Variants in KDM4C observed in about 807,000 individuals in gnomAD.
The protein encoded by KDM4C is lysine demethylase 4C, also known as lysine-specific demethylase 4C.
A neutral mutation model predicts 129.3 loss-of-function variants in KDM4C; 81 were observed. The ratio of observed to expected loss-of-function variants is 0.63; its 90% CI spans 0.52 to 0.75. The LOEUF (loss-of-function observed/expected upper bound fraction) is 0.75. Among genes scored for constraint, KDM4C ranks in the 30% least tolerant of loss-of-function variants. KDM4C has a pLI of 0.00. For missense variants in KDM4C, 1,457 were observed against 1,304.0 expected (o/e 1.12, Z -1.81); for synonymous variants, 573 against 456.1 (o/e 1.26, Z -3.26).
intron 17 of KDM4C, among the ~76,000 whole-genome samples, chr9:7,060,028 G>T (rs533489458): frequency 7.0e-4 from 107 of 152,002 alleles, no homozygotes; most frequent in Non-Finnish European, 8.8e-4. Context: ...ATAGAGAGAG[G>T]ATCCCCTCAT....
intron 18 of KDM4C, among the ~76,000 whole-genome samples, chr9:7,120,430 G>C (rs544753355): frequency 3.9e-5 from 6 of 152,262 alleles, no homozygotes; most frequent in African/African-American, 1.4e-4. Context: ...CATGGTATCA[G>C]TGGAGAGAAA....
chr9:6,841,510 T>C (rs1392191331), intron 4 of KDM4C, among the ~76,000 whole-genome samples: 1 of 152,204 alleles, frequency 6.6e-6, no homozygotes, highest in Non-Finnish European at 1.5e-5. Flanking sequence ...AAAATATGAT[T>C]AGTAATAATC....
chr9:6,795,679 T>C (rs1187222406), intron 2 of KDM4C, among the ~76,000 whole-genome samples: 1 of 151,764 alleles, frequency 6.6e-6, no homozygotes, highest in Non-Finnish European at 1.5e-5. Context: ...TTTTTTTTTT[T>C]CTTTTTTTTT....
At chr9:6,882,772 TTGTGTGTGTGTG>T (rs3072026) in intron 6 of KDM4C, among the ~76,000 whole-genome samples, 70 of 149,752 alleles carry the variant, frequency 4.7e-4, no homozygotes, top group Non-Finnish European at 8.2e-4. Context: ...TTTTAAGCAT[TTGTGTGTGTGTG>T]TGTGTGTGTG....
chr9:6,990,072 C>T (rs563754049), intron 11 of KDM4C, among the ~76,000 whole-genome samples: 1 of 152,134 alleles, frequency 6.6e-6, no homozygotes, highest in African/African-American at 2.4e-5. Context: ...GCCACTGTGC[C>T]TGGCCTATAA....
intron 4 of KDM4C, among the ~76,000 whole-genome samples, chr9:6,821,297 C>T (rs975595312): frequency 2.0e-5 from 3 of 152,228 alleles, no homozygotes; most frequent in Non-Finnish European, 4.4e-5. Flanking sequence ...AATCACCACA[C>T]TGTCTTCCAC....
At chr9:6,835,967 T>A (rs1835800549) in intron 4 of KDM4C, among the ~76,000 whole-genome samples, 1 of 152,186 alleles carries the variant, frequency 6.6e-6, no homozygotes, top group Non-Finnish European at 1.5e-5. Flanking sequence ...AATTAGGTAA[T>A]GCAAATTTTT....
chr9:7,130,327 TACAC>T (rs1840481234), intron 19 of KDM4C, among the ~76,000 whole-genome samples: 1 of 152,212 alleles, frequency 6.6e-6, no homozygotes, highest in Admixed American at 6.5e-5. Context: ...CATAAGCCTA[TACAC>T]ACCATGCCAG....
chr9:6,747,713 A>G (rs1817929432), intron 1 of KDM4C, among the ~76,000 whole-genome samples: 1 of 152,186 alleles, frequency 6.6e-6, no homozygotes, highest in Non-Finnish European at 1.5e-5. Context: ...TTCTGGAACA[A>G]ATTTTGAGAA....
chr9:6,732,208 T>C (rs1321932481), intron 1 of KDM4C, among the ~76,000 whole-genome samples: 5 of 149,806 alleles, frequency 3.3e-5, no homozygotes, highest in African/African-American at 1.2e-4. Flanking sequence ...TTACTAAAAA[T>C]ACAAAAATTA....
chr9:7,079,697 G>A (rs947684698), intron 17 of KDM4C, among the ~76,000 whole-genome samples: 1 of 152,114 alleles, frequency 6.6e-6, no homozygotes, highest in Non-Finnish European at 1.5e-5. Context: ...CTGCATAGTC[G>A]AATTCTGTGA....
chr9:6,784,978 T>G (rs1825161954), intron 1 of KDM4C, among the ~76,000 whole-genome samples: 1 of 152,208 alleles, frequency 6.6e-6, no homozygotes, highest in Non-Finnish European at 1.5e-5. Flanking sequence ...TATTAGGAGC[T>G]TTGCTGTTGA....
chr9:6,889,799 A>G (rs7043479), intron 7 of KDM4C, among the ~76,000 whole-genome samples: 3,378 of 152,244 alleles, frequency 0.022, 52 homozygotes, highest in Middle Eastern at 0.044. Context: ...ATACGTGAAG[A>G]GAAGTTATGT....
chr9:7,122,204 G>A (rs1839554846), intron 18 of KDM4C, among the ~76,000 whole-genome samples: 1 of 151,368 alleles, frequency 6.6e-6, no homozygotes, highest in African/African-American at 2.4e-5. Context: ...ATCTTATATG[G>A]TCTGAGCAGG....
rs1404508796 is a variant in KDM4C at position 6,805,726 on chromosome 9, A to C, written c.272A>C (p.Lys91Thr). Reference protein sequence around the residue: ...SGLFTQYNIQKKAMTVKEFRQ... With the variant: ...SGLFTQYNIQTKAMTVKEFRQ... Reference sequence around the variant, plus strand: ...CTGTTCACTCAGTACAACATCCAGAAAAAAGCGATGACTGTGAAGGAGTTC... The same window carrying C: ...CTGTTCACTCAGTACAACATCCAGACAAAAGCGATGACTGTGAAGGAGTTC... Residue 91 changes from lysine to threonine, a missense_variant, in exon 3 of 22, where the codon AAA becomes ACA. By Grantham distance (78) the Lys-to-Thr change is moderately conservative. Transcript: ENST00000381309. 1 of 1,614,144 alleles carries C rather than the reference A, an allele frequency of 6.2e-7. No homozygotes were observed. Among genetic ancestry groups the C allele is most frequent in the Non-Finnish European group, 8.5e-7 (1 of 1,180,002 alleles).
upstream of KDM4C, among the ~76,000 whole-genome samples, chr9:6,753,854 A>G (rs1013017795): frequency 4.7e-5 from 7 of 150,288 alleles, no homozygotes; most frequent in African/African-American, 1.7e-4. Flanking sequence ...ACTAAGTATT[A>G]CTATCATTGA....
intron 8 of KDM4C, among the ~76,000 whole-genome samples, chr9:6,936,470 C>G (rs931769641): frequency 4.6e-5 from 7 of 152,130 alleles, no homozygotes; most frequent in Admixed American, 3.3e-4. Context: ...CATTTTTTCA[C>G]TTTTTAATAT....
chr9:7,079,799 A>C (rs1012414897), intron 17 of KDM4C, among the ~76,000 whole-genome samples: 1 of 152,214 alleles, frequency 6.6e-6, no homozygotes, highest in Non-Finnish European at 1.5e-5. Flanking sequence ...CTAGAAGTAC[A>C]ATGCACTGAT....
intron 2 of KDM4C, among the ~76,000 whole-genome samples, chr9:6,804,154 G>C (rs761370671): frequency 6.6e-6 from 1 of 152,142 alleles, no homozygotes; most frequent in Admixed American, 6.6e-5. Context: ...CTATCAATAT[G>C]TATTTTTGGT....
Sources: gnomAD v4.1 joint callset for allele counts (sites outside exome capture counted in the v4.1 genomes callset) on GRCh38, gnomAD v4.1.1 for gene constraint, MANE v1.5 for transcripts, NCBI Gene and HGNC (gene_info 2026-07-23, HGNC 2026-07-21) for gene names.